DSCAM: variants seen among roughly 807,000 people sequenced by gnomAD.
The protein encoded by DSCAM is DS cell adhesion molecule.
DSCAM carries 47 observed loss-of-function variants against 217.7 expected under a neutral mutation model. The observed-to-expected ratio is 0.22, with a 90% CI of 0.17 to 0.28. The LOEUF (loss-of-function observed/expected upper bound fraction) is 0.28, where lower values mean the gene tolerates loss of function less well. DSCAM is among the 10% of genes least tolerant of loss of function. The pLI is 1.00. For synonymous variants in DSCAM, 1,056 were observed against 1,015.3 expected, an observed-to-expected ratio of 1.04 and a Z score of -0.76; for missense variants, 2,080 against 2,618.3, an observed-to-expected ratio of 0.79 and a Z score of 4.49.
intron 3 of DSCAM, among the ~76,000 whole-genome samples, chr21:40,584,715 C>T (rs2076930859): frequency 6.6e-6 from 1 of 152,130 alleles, no homozygotes; most frequent in Non-Finnish European, 1.5e-5. Flanking sequence ...AGGGGGTTCT[C>T]TCGGTCCAGG....
At chr21:40,546,490 G>T (rs1216117877) in intron 3 of DSCAM, among the ~76,000 whole-genome samples, 2 of 152,196 alleles carry the variant, frequency 1.3e-5, no homozygotes, top group Non-Finnish European at 2.9e-5. Context: ...ACTTCTCTGA[G>T]CCACCTCAGT....
At chr21:40,397,023 T>C (rs1005509751) in intron 3 of DSCAM, among the ~76,000 whole-genome samples, 1 of 152,120 alleles carries the variant, frequency 6.6e-6, no homozygotes, top group Non-Finnish European at 1.5e-5. Context: ...AAACTCCTTT[T>C]CCTTACCCTT....
intron 3 of DSCAM, among the ~76,000 whole-genome samples, chr21:40,617,577 G>C (rs1568940262): frequency 6.6e-6 from 1 of 152,184 alleles, no homozygotes; most frequent in Non-Finnish European, 1.5e-5. Flanking sequence ...CTCAAGCTTG[G>C]CGCTGTAGAC....
intron 3 of DSCAM, among the ~76,000 whole-genome samples, chr21:40,620,756 C>G (rs2089502987): frequency 6.6e-6 from 1 of 152,170 alleles, no homozygotes. Flanking sequence ...TCATCCAATT[C>G]AGAAACACTA....
intron 16 of DSCAM, among the ~76,000 whole-genome samples, chr21:40,165,845 C>G (rs1191200628): frequency 6.6e-6 from 1 of 152,126 alleles, no homozygotes; most frequent in African/African-American, 2.4e-5. Flanking sequence ...TGTAGAGTGG[C>G]GGGAATGCGT....
intron 3 of DSCAM, among the ~76,000 whole-genome samples, chr21:40,430,921 A>T (rs2075524850): frequency 6.6e-6 from 1 of 152,052 alleles, no homozygotes; most frequent in South Asian, 2.1e-4. Flanking sequence ...AGAAGGTGGT[A>T]AGGGTGGAGG....
intron 3 of DSCAM, among the ~76,000 whole-genome samples, chr21:40,683,891 G>A (rs185288010): frequency 8.5e-5 from 13 of 152,160 alleles, no homozygotes; most frequent in East Asian, 7.7e-4. Flanking sequence ...ATACAGACGC[G>A]GGCGCAAAAA....
intron 3 of DSCAM, among the ~76,000 whole-genome samples, chr21:40,386,783 C>T (rs374641195): frequency 6.6e-6 from 1 of 152,042 alleles, no homozygotes; most frequent in Non-Finnish European, 1.5e-5. Flanking sequence ...GAAACAGTGA[C>T]GTTTTTCTTG....
chr21:40,038,115 T>G (rs2088664126), intron 32 of DSCAM, among the ~76,000 whole-genome samples: 1 of 151,848 alleles, frequency 6.6e-6, no homozygotes, highest in African/African-American at 2.4e-5. Flanking sequence ...GGGTAAGGAC[T>G]TCATGTCTAA....
chr21:40,726,154 G>A (rs1601177513), intron 1 of DSCAM, among the ~76,000 whole-genome samples: 1 of 152,280 alleles, frequency 6.6e-6, no homozygotes, highest in Non-Finnish European at 1.5e-5. Flanking sequence ...GCACGCTAAT[G>A]CATCTGAATG....
In DSCAM at chr21:40,810,913, A is replaced by T. The variant is rs568825756; in HGVS notation, c.43+35706T>A. ...GAGCAAGACCCTGTCTCTAAAAAAA[A>T]TGCTATAGTTATAAAAATAATTTTT... On this transcript the variant is annotated intron_variant, in intron 1 of 32. Coordinates refer to ENST00000400454, the MANE Select transcript of DSCAM (RefSeq NM_001389.5). Among the ~76,000 whole-genome samples the T allele has an allele frequency of 1.0e-4, 15 of 148,994 alleles. No individual in the cohort carries two copies. In the South Asian group the frequency reaches 3.2e-3, roughly 31 times the overall value.
chr21:40,304,126 A>G (rs1430927022), intron 9 of DSCAM, among the ~76,000 whole-genome samples: 1 of 152,268 alleles, frequency 6.6e-6, no homozygotes, highest in African/African-American at 2.4e-5. Context: ...TGGCTCATAC[A>G]TAACAGCTAA....
At chr21:40,758,941 C>A (rs566578817) in intron 1 of DSCAM, among the ~76,000 whole-genome samples, 8 of 152,160 alleles carry the variant, frequency 5.3e-5, no homozygotes, top group Admixed American at 5.2e-4. Context: ...TTTATCTGAC[C>A]CACAACCATT....
At position 40,434,321 on chromosome 21, in the gene DSCAM, C is replaced by T. The variant is rs559002506; in HGVS notation, c.509-65076G>A. 3.4e-4 allele frequency among the ~76,000 whole-genome samples: 52 copies of T among 152,286 alleles called. 1 individual carries two copies. Among genetic ancestry groups the T allele is most frequent in the African/African-American group, 8.9e-4 (37 of 41,572 alleles). On this transcript the variant is annotated intron_variant, in intron 3 of 32. Coordinates refer to ENST00000400454, the MANE Select transcript of DSCAM (RefSeq NM_001389.5). ...CAGTGTGCTCATGCCAACACGGAGA[C>T]GCCAACAACGGCGTCAAACATCAGC...
chr21:40,690,016 C>G (rs13053077), intron 3 of DSCAM, among the ~76,000 whole-genome samples: 1 of 152,146 alleles, frequency 6.6e-6, no homozygotes, highest in African/African-American at 2.4e-5. Context: ...GCCTCCACCC[C>G]GGCACAGCCT....
chr21:40,393,798 CAATG>C (rs1479866914), intron 3 of DSCAM, among the ~76,000 whole-genome samples: 3 of 152,128 alleles, frequency 2.0e-5, no homozygotes, highest in Admixed American at 2.0e-4. Flanking sequence ...TTCATGTGCT[CAATG>C]AATATTGTAT....
intron 11 of DSCAM, among the ~76,000 whole-genome samples, chr21:40,216,030 T>C (rs1478164071): frequency 1.3e-5 from 2 of 152,128 alleles, no homozygotes; most frequent in East Asian, 3.8e-4. Flanking sequence ...CCAATATTTC[T>C]TCTTCAGAAT....
intron 3 of DSCAM, among the ~76,000 whole-genome samples, chr21:40,557,355 GCTT>G (rs960751614): frequency 2.0e-5 from 3 of 151,952 alleles, no homozygotes; most frequent in Admixed American, 6.6e-5. Flanking sequence ...TTTGTCTCTT[GCTT>G]CTTTTTTTCT....
chr21:40,791,512 G>A (rs978514412), intron 1 of DSCAM, among the ~76,000 whole-genome samples: 2 of 151,748 alleles, frequency 1.3e-5, no homozygotes, highest in Admixed American at 6.6e-5. Context: ...AAAATTAGCC[G>A]GGCGTGCTGG....
Sources: allele counts gnomAD v4.1 joint callset (sites outside exome capture counted in the v4.1 genomes callset), GRCh38; gene constraint gnomAD v4.1.1; transcripts MANE v1.5; gene names NCBI Gene and HGNC (gene_info 2026-07-23, HGNC 2026-07-21).